CYP20A1: variants seen among roughly 807,000 people sequenced by gnomAD.
CYP20A1 encodes cytochrome P450 family 20 subfamily A member 1, also known as cytochrome P450 20A1.
A neutral mutation model predicts 61.4 loss-of-function variants in CYP20A1; 61 were observed. The observed-to-expected ratio is 0.99, with a 90% CI of 0.81 to 1.23. The LOEUF (loss-of-function observed/expected upper bound fraction) is 1.23. Among genes scored for constraint, CYP20A1 ranks in the 50% most tolerant of loss-of-function variants. The probability of loss-of-function intolerance (pLI) is 0.00; values close to 1 mark genes in which losing one functional copy is unlikely to be tolerated. For missense variants in CYP20A1, 530 were observed against 542.4 expected (o/e 0.98, Z 0.23); for synonymous variants, 193 against 188.2 (o/e 1.03, Z -0.21).
At chr2:203,271,078 ATATATTTTTTTT>A (rs2067570069) in intron 5 of CYP20A1, among the ~76,000 whole-genome samples, 1 of 48,824 alleles carries the variant, frequency 2.0e-5, no homozygotes, top group Non-Finnish European at 4.3e-5. Flanking sequence ...ATATATATAT[ATATATTTTTTTT>A]TTTTTTTTTT....
rs1406340997 is a variant in CYP20A1, at chr2:203,299,066, C to G, written c.*2158C>G. Among the ~76,000 whole-genome samples, 1 of 151,912 alleles carries G rather than the reference C, an allele frequency of 6.6e-6. No homozygotes were observed. On this transcript the variant is annotated 3_prime_UTR_variant, in exon 13 of 13. Transcript: ENST00000356079. Reference sequence around the variant, plus strand: ...AAAAAGGAGTATCTTAAGTGTCTTTCAAAATTACACTTTAGCACTTATAAA... The same window carrying G: ...AAAAAGGAGTATCTTAAGTGTCTTTGAAAATTACACTTTAGCACTTATAAA...
At chr2:203,293,706 C>T (rs115015441) in intron 11 of CYP20A1, among the ~76,000 whole-genome samples, 230 of 151,960 alleles carry the variant, frequency 1.5e-3, no homozygotes, top group African/African-American at 5.3e-3. Context: ...CCCTCATCGC[C>T]CCACCGTTTC....
Position 203,303,896 on chromosome 2 carries a change from T to A in CYP20A1, c.*6988T>A, listed in dbSNP as rs866017006. On this transcript the variant is annotated 3_prime_UTR_variant, in exon 13 of 13. Transcript: ENST00000356079. The stretch of plus-strand genomic sequence containing the variant: ...TCTCAAAAAAAAAAAAAAAAAAAAC[T>A]TATTGAGAGAATAATATACCACTAA... 3.4e-5 allele frequency among the ~76,000 whole-genome samples: 5 copies of A among 145,198 alleles called. No individual in the cohort carries two copies. The highest frequency in any genetic ancestry group is 1.3e-4 in the African/African-American group (5 of 39,538).
At position 203,257,149 on chromosome 2, in the gene CYP20A1, CA is replaced by C. The variant is rs939628433; in HGVS notation, c.432+5051del. ...CTCCCGTGATGAGACCCTGTCTCTA[CA>C]AAAAAAAAAAGAGAAAAATTAGCTG... On this transcript the variant is annotated intron_variant, in intron 4 of 12. Transcript: ENST00000356079. Among the ~76,000 whole-genome samples, 69 of 139,156 alleles carry C rather than the reference CA, an allele frequency of 5.0e-4. 1 individual carries two copies. Among genetic ancestry groups the C allele is most frequent in the African/African-American group, 5.3e-4 (20 of 37,842 alleles). 91.3% of individuals were successfully genotyped at this position (139,156 alleles called of 152,430 possible). A position where few individuals can be genotyped will look rare whatever the true frequency, so the allele number is the denominator to read the frequency against.
chr2:203,256,806 G>A (rs1256444353), intron 4 of CYP20A1, among the ~76,000 whole-genome samples: 1 of 152,098 alleles, frequency 6.6e-6, no homozygotes, highest in Non-Finnish European at 1.5e-5. Flanking sequence ...TATTACATCA[G>A]TGAATGAATA....
chr2:203,289,425 C>T (rs555889862), intron 9 of CYP20A1, among the ~76,000 whole-genome samples: 2 of 151,930 alleles, frequency 1.3e-5, no homozygotes, highest in Non-Finnish European at 2.9e-5. Context: ...CTGTCAGCTT[C>T]GTGCTAAAAA....
chr2:203,291,011 C>CTGG (rs1182715048), intron 10 of CYP20A1, among the ~76,000 whole-genome samples: 1 of 152,034 alleles, frequency 6.6e-6, no homozygotes, highest in Non-Finnish European at 1.5e-5. Context: ...TAATTATATA[C>CTGG]TGGTACAGGT....
rs1477734343 is a variant in CYP20A1, at chr2:203,305,072, T to G, written c.*8164T>G. Among the ~76,000 whole-genome samples the G allele has an allele frequency of 6.6e-6, 1 of 152,128 alleles. No individual in the cohort carries two copies. The highest frequency in any genetic ancestry group is 1.5e-5 in the Non-Finnish European group (1 of 68,030). ...ACTTATAGAATTTTATGACACTAAATGGATAATTGTAAAGTTTGAGTTGGG... is the reference window on the plus strand; with the variant it reads ...ACTTATAGAATTTTATGACACTAAAGGGATAATTGTAAAGTTTGAGTTGGG... On this transcript the variant is annotated 3_prime_UTR_variant, in exon 13 of 13. Coordinates refer to ENST00000356079, the MANE Select transcript of CYP20A1 (RefSeq NM_177538.3).
intron 5 of CYP20A1, among the ~76,000 whole-genome samples, chr2:203,272,039 G>GA (rs1553516542): frequency 6.6e-6 from 1 of 152,080 alleles, no homozygotes; most frequent in Non-Finnish European, 1.5e-5. Context: ...CGTGGGGGAA[G>GA]AAAAAATGAG....
chr2:203,291,718 T>C (rs1217533038), intron 10 of CYP20A1, among the ~76,000 whole-genome samples: 1 of 152,134 alleles, frequency 6.6e-6, no homozygotes, highest in Non-Finnish European at 1.5e-5. Flanking sequence ...AGGGTACATG[T>C]GTACAACGTG....
At chr2:203,292,520 G>T (rs1040936928) in intron 11 of CYP20A1, among the ~76,000 whole-genome samples, 194 bp downstream of exon 11, 1 of 152,152 alleles carries the variant, frequency 6.6e-6, no homozygotes, top group Non-Finnish European at 1.5e-5. Context: ...ATGTAATAGT[G>T]CAATCACTTC....
In CYP20A1 at chr2:203,250,888, C is replaced by T. The variant is rs920083494; in HGVS notation, c.290-1079C>T. 4.0e-5 allele frequency among the ~76,000 whole-genome samples: 6 copies of T among 151,822 alleles called. No individual in the cohort carries two copies. In the East Asian group the frequency reaches 7.8e-4, roughly 20 times the overall value. ...GACCATCCTGGCTAACACGGTGAAA[C>T]CCCATCTCCACTAAAAATACAAAAA... On this transcript the variant is annotated intron_variant, in intron 3 of 12. Transcript: ENST00000356079.
chr2:203,266,518 C>T lies in CYP20A1; in HGVS notation c.437C>T (p.Ser146Leu). The T allele has an allele frequency of 2.5e-6, 4 of 1,613,476 alleles. No homozygotes were observed. The highest frequency in any genetic ancestry group is 3.4e-6 in the Non-Finnish European group (4 of 1,179,540). ...TGCTTTTCTGTTCTCTTTCAGCTTTCAGAAGAATTATTAGATAAATGGCTC... is the reference window on the plus strand; with the variant it reads ...TGCTTTTCTGTTCTCTTTCAGCTTTTAGAAGAATTATTAGATAAATGGCTC... The part of the protein sequence containing the change: ...KSNFALLLKL[S>L]EELLDKWLSY... Residue 146 changes from serine (S) to leucine (L), a missense_variant, in exon 5 of 13, where the codon TCA (serine) becomes TTA (leucine). By Grantham distance (145) the Ser-to-Leu change is moderately radical. Transcript: ENST00000356079.
chr2:203,275,504 A>G (rs545966987), intron 6 of CYP20A1, among the ~76,000 whole-genome samples: 1 of 151,822 alleles, frequency 6.6e-6, no homozygotes, highest in Non-Finnish European at 1.5e-5. Context: ...CAGTGGCTCA[A>G]TCTCAGCTCA....
chr2:203,272,250 G>C (rs2067631915), intron 5 of CYP20A1, among the ~76,000 whole-genome samples: 1 of 152,010 alleles, frequency 6.6e-6, no homozygotes, highest in African/African-American at 2.4e-5. Flanking sequence ...ATTTGTTGGT[G>C]AGGAGAGTTC....
At chr2:203,287,583 A>G (rs2068333811) in intron 9 of CYP20A1, among the ~76,000 whole-genome samples, 1 of 152,100 alleles carries the variant, frequency 6.6e-6, no homozygotes, top group African/African-American at 2.4e-5. Flanking sequence ...GCATGTGCCT[A>G]TGGTTACAAC....
intron 10 of CYP20A1, among the ~76,000 whole-genome samples, chr2:203,290,089 C>T (rs1050308088): frequency 2.6e-5 from 4 of 151,848 alleles, no homozygotes; most frequent in South Asian, 2.1e-4. Context: ...TACAGGCGCC[C>T]GCCACCATGG....
At chr2:203,291,450 G>A (rs540776133) in intron 10 of CYP20A1, among the ~76,000 whole-genome samples, 28 of 152,238 alleles carry the variant, frequency 1.8e-4, no homozygotes, top group African/African-American at 6.0e-4. Flanking sequence ...TGAGTCTTAT[G>A]TATATTTTAT....
In CYP20A1 at chr2:203,305,995, A is replaced by G. The variant is rs2069201059; in HGVS notation, c.*9087A>G. On this transcript the variant is annotated 3_prime_UTR_variant, in exon 13 of 13. Transcript: ENST00000356079. ...TGTGAACATAGATTTATAATATAGT[A>G]CTATACAAAATACAACTAAAATAGT... Among the ~76,000 whole-genome samples, 1 of 152,204 alleles carries G rather than the reference A, an allele frequency of 6.6e-6. No individual in the cohort carries two copies. The highest frequency in any genetic ancestry group is 1.5e-5 in the Non-Finnish European group (1 of 68,044).
Sources: allele counts gnomAD v4.1 joint callset (sites outside exome capture counted in the v4.1 genomes callset), GRCh38; gene constraint gnomAD v4.1.1; transcripts MANE v1.5; gene names NCBI Gene and HGNC (gene_info 2026-07-23, HGNC 2026-07-21).